TLCD4: variants seen among roughly 807,000 people sequenced by gnomAD.
TLCD4 encodes TLC domain containing 4.
A neutral mutation model predicts 24.2 loss-of-function variants in TLCD4; 7 were observed. That is an observed-to-expected ratio of 0.29 (90% confidence interval 0.16 to 0.54). TLCD4 has a LOEUF of 0.54. Among genes scored for constraint, TLCD4 ranks in the 20% least tolerant of loss-of-function variants. TLCD4 has a pLI of 0.95. For synonymous variants in TLCD4, 103 were observed against 106.4 expected, an observed-to-expected ratio of 0.97 and a Z score of 0.20; for missense variants, 259 against 313.9, an observed-to-expected ratio of 0.82 and a Z score of 1.32.
the TLCD4 span, among the ~76,000 whole-genome samples, chr1:95,099,930 G>A: frequency 7.3e-5 from 11 of 151,068 alleles, no homozygotes; most frequent in African/African-American, 2.2e-4. Flanking sequence ...CCAGGAGTTC[G>A]AGACCAGCCT....
In TLCD4 at chr1:95,194,690, T is replaced by A. The variant is rs775441694; in HGVS notation, c.*2822T>A. On this transcript the variant is annotated 3_prime_UTR_variant, in exon 7 of 7. Coordinates refer to ENST00000370203, the MANE Select transcript of TLCD4 (RefSeq NM_152487.3). Reference sequence around the variant, plus strand: ...GTAGTATCCTAGAAAATAAAAGTTCTTGTGAAACTTAAAAAATGAATGAAA... The same window carrying A: ...GTAGTATCCTAGAAAATAAAAGTTCATGTGAAACTTAAAAAATGAATGAAA... 9 of 152,108 alleles carry A rather than the reference T, an allele frequency of 5.9e-5. No homozygotes were observed. The highest frequency in any genetic ancestry group is 5.2e-4 in the Admixed American group (8 of 15,262). 9.4% of individuals were successfully genotyped at this position (152,108 alleles called of 1,614,324 possible).
intron 1 of TLCD4, among the ~76,000 whole-genome samples, chr1:95,133,323 A>G (rs1676948824): frequency 1.3e-5 from 2 of 152,094 alleles, no homozygotes; most frequent in African/African-American, 4.8e-5. Context: ...AACATGGCAC[A>G]TGTATACATA....
intron 5 of TLCD4, among the ~76,000 whole-genome samples, chr1:95,172,608 T>C (rs1678268873): frequency 6.6e-6 from 1 of 152,208 alleles, no homozygotes; most frequent in Non-Finnish European, 1.5e-5. Context: ...ATAATGAATT[T>C]GTGATTATAA....
At chr1:95,190,096 CTT>C (rs71097254) in intron 6 of TLCD4, among the ~76,000 whole-genome samples, 43,590 of 135,234 alleles carry the variant, frequency 0.32, 7,245 homozygotes, top group East Asian at 0.61. Flanking sequence ...TTTGCACTTT[CTT>C]TTTTTTTTTT....
chr1:95,183,137 G>A (rs1290545163), intron 6 of TLCD4, among the ~76,000 whole-genome samples: 1 of 152,110 alleles, frequency 6.6e-6, no homozygotes. Context: ...TTTGGGTTAG[G>A]TTACCCAGTT....
chr1:95,117,822 C>G (rs1046977406), intron 1 of TLCD4: 4 of 151,054 alleles, frequency 2.6e-5, no homozygotes, highest in Non-Finnish European at 5.9e-5. Context: ...GGGCGGGCTC[C>G]GGCAGGTGTG....
upstream of TLCD4, among the ~76,000 whole-genome samples, chr1:95,116,248 C>T (rs1676428036): frequency 6.6e-6 from 1 of 152,120 alleles, no homozygotes; most frequent in African/African-American, 2.4e-5. Context: ...GAAATTGAGC[C>T]TCAGTGAGGT....
At chr1:95,162,620 G>A (rs572267384) in intron 5 of TLCD4, among the ~76,000 whole-genome samples, 12 of 152,334 alleles carry the variant, frequency 7.9e-5, no homozygotes, top group Admixed American at 3.3e-4. Flanking sequence ...AATTTGGCAT[G>A]TTTTTGCAGT....
rs1321777157 is a variant in TLCD4 at position 95,196,438 on chromosome 1, G to A, written c.*4570G>A. 1.3e-5 allele frequency: 2 copies of A among 152,184 alleles called. No homozygotes were observed. The highest frequency in any genetic ancestry group is 6.5e-5 in the Admixed American group (1 of 15,278). The allele number at this position is 152,184 out of a possible 1,614,324, so 9.4% of individuals were successfully genotyped here. A position where few individuals can be genotyped will look rare whatever the true frequency, so the allele number is the denominator to read the frequency against. ...ACTGCGTTACTTGGTGTTTTCCAAA[G>A]TACAACATCCAAGGCTTGAACCTTA... is the stretch of plus-strand genomic sequence containing the variant. On this transcript the variant is annotated 3_prime_UTR_variant, in exon 7 of 7. Coordinates refer to ENST00000370203, the MANE Select transcript of TLCD4 (RefSeq NM_152487.3).
intron 5 of TLCD4, among the ~76,000 whole-genome samples, chr1:95,168,554 C>CT (rs34574043): frequency 2.2e-4 from 11 of 51,152 alleles, no homozygotes; most frequent in African/African-American, 6.4e-4. Context: ...TGTGAGTGAG[C>CT]TTTTTTTTTT....
chr1:95,166,435 C>T (rs557524544), intron 5 of TLCD4, among the ~76,000 whole-genome samples: 5 of 152,294 alleles, frequency 3.3e-5, no homozygotes, highest in South Asian at 2.1e-4. Flanking sequence ...TATTAATTTT[C>T]CTTTTCATCC....
Position 95,192,311 on chromosome 1 carries a change from A to AT in TLCD4, c.*443_*444insT, listed in dbSNP as rs931513422. 1 of 152,444 alleles carries AT rather than the reference A, an allele frequency of 6.6e-6. No individual in the cohort carries two copies. The highest frequency in any genetic ancestry group is 1.9e-4 in the East Asian group (1 of 5,194). 9.4% of individuals were successfully genotyped at this position (152,444 alleles called of 1,614,324 possible). A position where few individuals can be genotyped will look rare whatever the true frequency, so the allele number is the denominator to read the frequency against. On this transcript the variant is annotated 3_prime_UTR_variant, in exon 7 of 7. Transcript: ENST00000370203. ...AAGACTCTGTCTCAAAAAAAAAAAA[A>AT]AGAGAGAAACTAAAATTAAAATTTA...
chr1:95,192,048 G>C lies in TLCD4; in HGVS notation c.*180G>C. ...ACGGTGGCTCATGCCTGTAATCCCAGCACTTTGGGAGGCCAAGGTGGGTCG... is the reference window on the plus strand; with the variant it reads ...ACGGTGGCTCATGCCTGTAATCCCACCACTTTGGGAGGCCAAGGTGGGTCG... On this transcript the variant is annotated 3_prime_UTR_variant, in exon 7 of 7. Transcript: ENST00000370203. The C allele has an allele frequency of 2.9e-6, 4 of 1,393,486 alleles. No individual in the cohort carries two copies. The highest frequency in any genetic ancestry group is 3.7e-6 in the Non-Finnish European group (4 of 1,075,396). The allele number at this position is 1,393,486 out of a possible 1,614,324, so 86.3% of individuals were successfully genotyped here.
chr1:95,112,856 T>C (rs919254818), upstream of TLCD4, among the ~76,000 whole-genome samples: 1 of 152,146 alleles, frequency 6.6e-6, no homozygotes. Flanking sequence ...ATCTAAAATT[T>C]AGGTTAGATA....
rs1454447088 is a variant in TLCD4 at position 95,193,487 on chromosome 1, T to A, written c.*1619T>A. 2 of 152,128 alleles carry A rather than the reference T, an allele frequency of 1.3e-5. No individual in the cohort carries two copies. Among genetic ancestry groups the A allele is most frequent in the Non-Finnish European group, 2.9e-5 (2 of 67,970 alleles). The allele number at this position is 152,128 out of a possible 1,614,324, so 9.4% of individuals were successfully genotyped here. ...CCAGTGATGAATACTTGAAATTAAT[T>A]GAACTCATACCAAAAGATGTAATCC... On this transcript the variant is annotated 3_prime_UTR_variant, in exon 7 of 7. Coordinates refer to ENST00000370203, the MANE Select transcript of TLCD4 (RefSeq NM_152487.3).
chr1:95,111,323 A>AG, the TLCD4 span, among the ~76,000 whole-genome samples: 3,471 of 128,310 alleles, frequency 0.027, 67 homozygotes, highest in Admixed American at 0.036. Context: ...CAAAACAAAA[A>AG]AAAAGAAAAG....
At chr1:95,183,022 C>A (rs1678701713) in intron 6 of TLCD4, among the ~76,000 whole-genome samples, 1 of 151,882 alleles carries the variant, frequency 6.6e-6, no homozygotes, top group South Asian at 2.1e-4. Flanking sequence ...TGAACTTGAC[C>A]CAGTAGACAG....
At chr1:95,106,790 T>C in the TLCD4 span, among the ~76,000 whole-genome samples, 1 of 152,324 alleles carries the variant, frequency 6.6e-6, no homozygotes, top group Non-Finnish European at 1.5e-5. Context: ...GGGATGGCAA[T>C]GGGTAATTTT....
In TLCD4 at chr1:95,117,402, A is replaced by G. The variant is rs940510120; in HGVS notation, c.-227A>G. 6.6e-6 allele frequency: 1 copy of G among 152,038 alleles called. No homozygotes were observed. The highest frequency in any genetic ancestry group is 2.1e-4 in the South Asian group (1 of 4,828). The allele number at this position is 152,038 out of a possible 1,614,324, so 9.4% of individuals were successfully genotyped here. On this transcript the variant is annotated 5_prime_UTR_variant, in exon 1 of 7. Transcript: ENST00000370203. The stretch of plus-strand genomic sequence containing the variant: ...CGAGCCCGCAGTCCGGGCGGGCGCG[A>G]CGGCCGCCGCGGTAGCTGGAGCCTC...
Sources: gnomAD v4.1 joint callset for allele counts (sites outside exome capture counted in the v4.1 genomes callset) on GRCh38, gnomAD v4.1.1 for gene constraint, MANE v1.5 for transcripts, NCBI Gene and HGNC (gene_info 2026-07-23, HGNC 2026-07-21) for gene names.